Variants in DRAM1 observed in about 807,000 individuals in gnomAD.
DRAM1 encodes the protein DNA damage regulated autophagy modulator 1.
A neutral mutation model predicts 28.5 loss-of-function variants in DRAM1; 25 were observed. The ratio of observed to expected loss-of-function variants is 0.88; its 90% CI spans 0.64 to 1.23. DRAM1 has a LOEUF of 1.23. Among genes scored for constraint, DRAM1 ranks in the 50% most tolerant of loss-of-function variants. The pLI, the probability that DRAM1 is intolerant of heterozygous loss-of-function variation, is 0.00. For missense variants in DRAM1, 249 were observed against 299.2 expected, an observed-to-expected ratio of 0.83 and a Z score of 1.24; for synonymous variants, 113 against 114.2, an observed-to-expected ratio of 0.99 and a Z score of 0.07.
chr12:101,909,291 T>A (rs1400973585), intron 4 of DRAM1, among the ~76,000 whole-genome samples: 11 of 141,426 alleles, frequency 7.8e-5, no homozygotes, highest in Admixed American at 5.0e-4. Flanking sequence ...ATTAAGAAAA[T>A]GTCTCAACAT....
chr12:101,879,425 G>C (rs1220784860), intron 1 of DRAM1, among the ~76,000 whole-genome samples: 1 of 152,160 alleles, frequency 6.6e-6, no homozygotes, highest in African/African-American at 2.4e-5. Flanking sequence ...CTGGCCTTTC[G>C]GTTTTTTCCA....
At chr12:101,888,382 C>T (rs1872965688) in intron 1 of DRAM1, among the ~76,000 whole-genome samples, 1 of 151,890 alleles carries the variant, frequency 6.6e-6, no homozygotes, top group South Asian at 2.1e-4. Flanking sequence ...CCACCCACCT[C>T]AGCCTCCCGA....
At chr12:101,914,485 C>CTT (rs553791665) in intron 5 of DRAM1, among the ~76,000 whole-genome samples, 292 of 137,450 alleles carry the variant, frequency 2.1e-3, no homozygotes, top group African/African-American at 3.5e-3. Context: ...TCTTCTTCTT[C>CTT]TTTTTTTTTT....
intron 1 of DRAM1, among the ~76,000 whole-genome samples, chr12:101,880,629 C>T (rs1872658738): frequency 1.3e-5 from 2 of 152,006 alleles, no homozygotes; most frequent in African/African-American, 4.8e-5. Flanking sequence ...CATGTTTGTC[C>T]CAGATCTGAA....
At chr12:101,913,062 T>G (rs1874103987) in intron 4 of DRAM1, among the ~76,000 whole-genome samples, 2 of 152,164 alleles carry the variant, frequency 1.3e-5, no homozygotes, top group Admixed American at 6.5e-5. Flanking sequence ...TGCAGACTTT[T>G]TAGAGCATCC....
chr12:101,883,613 A>G (rs1269023562), intron 1 of DRAM1, among the ~76,000 whole-genome samples: 1 of 144,084 alleles, frequency 6.9e-6, no homozygotes, highest in East Asian at 2.4e-4. Flanking sequence ...TGCGCCCCGC[A>G]TGAATGTTTC....
chr12:101,893,006 G>A (rs893953851), intron 1 of DRAM1, among the ~76,000 whole-genome samples: 1 of 152,176 alleles, frequency 6.6e-6, no homozygotes, highest in African/African-American at 2.4e-5. Context: ...GTAGGAATGT[G>A]GGCCATTGAT....
At position 101,914,229 on chromosome 12, in the gene DRAM1, A is replaced by C. The variant is rs1425227099; in HGVS notation, c.576A>C (p.Glu192Asp). The C allele has an allele frequency of 6.2e-7, 1 of 1,606,952 alleles. No homozygotes were observed. Among genetic ancestry groups the C allele is most frequent in the Non-Finnish European group, 8.5e-7 (1 of 1,177,556 alleles). ...CCAAGCTGGAGTGGAATCCAAGAGAAAAGGTAACATTTAAGTTGTTGTGAA... is the reference window on the plus strand; with the variant it reads ...CCAAGCTGGAGTGGAATCCAAGAGACAAGGTAACATTTAAGTTGTTGTGAA... ...SITKLEWNPREKDYVYHVVSA... is the reference protein window; with the variant it reads ...SITKLEWNPRDKDYVYHVVSA... Residue 192 changes from glutamate to aspartate, a missense_variant, in exon 5 of 7, where the codon GAA becomes GAC. Around this residue, in one of 3 missense-constraint regions of DRAM1, gnomAD observed 15 missense variants for 39.9 expected, o/e 0.38. Transcript: ENST00000258534.
At chr12:101,887,933 C>T (rs969528007) in intron 1 of DRAM1, among the ~76,000 whole-genome samples, 6 of 151,926 alleles carry the variant, frequency 3.9e-5, no homozygotes, top group African/African-American at 1.5e-4. Flanking sequence ...CCTGTTCAGC[C>T]GTAACAATGA....
In DRAM1 at chr12:101,889,490, GAAGTAAGGAAGGA is replaced by G. The variant is rs1278199718; in HGVS notation, c.132-8369_132-8357del. ...ACGAGATGAGAAGAGAAGAAGGAAG[GAAGTAAGGAAGGA>G]AAGGAAGGAAGGAAAGGAAGGAAGG... On this transcript the variant is annotated intron_variant, in intron 1 of 6. Transcript: ENST00000258534. Among the ~76,000 whole-genome samples, 907 of 151,426 alleles carry G rather than the reference GAAGTAAGGAAGGA, an allele frequency of 6.0e-3. 10 individuals are homozygous for G. Among genetic ancestry groups the G allele is most frequent in the African/African-American group, 0.02 (829 of 41,278 alleles).
intron 3 of DRAM1, among the ~76,000 whole-genome samples, chr12:101,903,975 C>T (rs1873700370): frequency 6.6e-6 from 1 of 151,354 alleles, no homozygotes; most frequent in Non-Finnish European, 1.5e-5. Context: ...CTATAAGCCT[C>T]ATAAATATGA....
Position 101,921,679 on chromosome 12 carries a change from T to C in DRAM1, c.*419T>C, listed in dbSNP as rs1874490349. The C allele has an allele frequency of 6.5e-6, 1 of 154,804 alleles. No homozygotes were observed. Among genetic ancestry groups the C allele is most frequent in the Non-Finnish European group, 1.4e-5 (1 of 69,944 alleles). 9.6% of individuals were successfully genotyped at this position (154,804 alleles called of 1,614,324 possible). On this transcript the variant is annotated 3_prime_UTR_variant, in exon 7 of 7. Transcript: ENST00000258534. ...AATCAGGGGATATTCATTTGTAAAT[T>C]TTATTCTTAGTGAATGAACTGTATA...
At chr12:101,887,145 CAAA>C (rs10654713) in intron 1 of DRAM1, among the ~76,000 whole-genome samples, 1 of 128,984 alleles carries the variant, frequency 7.8e-6, no homozygotes. Context: ...AACTCCGTTT[CAAA>C]AAAAAAAAAA....
chr12:101,919,282 ACG>A (rs200456806), intron 5 of DRAM1, among the ~76,000 whole-genome samples: 3 of 145,988 alleles, frequency 2.1e-5, no homozygotes, highest in Non-Finnish European at 4.5e-5. Flanking sequence ...AGACACACAC[ACG>A]CACACACACA....
rs866217779 is a variant in DRAM1, at chr12:101,877,664, G to A, written c.-126G>A. On this transcript the variant is annotated 5_prime_UTR_variant, in exon 1 of 7. Transcript: ENST00000258534. This position sits in a 1 kb window ranked among gnomAD's most constrained non-coding sequence, Gnocchi z 4.1. ...CTCCGGGGCTGGGCCTGCCCCGGCC[G>A]TCGCGGAGCCTCCCCTCCCACCGTC... 7.6e-6 allele frequency: 5 copies of A among 658,658 alleles called. No individual in the cohort carries two copies. Among genetic ancestry groups the A allele is most frequent in the Non-Finnish European group, 1.0e-5 (5 of 476,718 alleles). 40.8% of individuals were successfully genotyped at this position (658,658 alleles called of 1,614,324 possible).
At chr12:101,919,117 G>C (rs905355778) in intron 5 of DRAM1, among the ~76,000 whole-genome samples, 9 of 151,650 alleles carry the variant, frequency 5.9e-5, no homozygotes, top group African/African-American at 2.2e-4. Context: ...TGTTGCCCAG[G>C]CTGGTCTCAA....
At chr12:101,900,781 T>G (rs991956573) in intron 2 of DRAM1, among the ~76,000 whole-genome samples, 1 of 152,158 alleles carries the variant, frequency 6.6e-6, no homozygotes, top group Non-Finnish European at 1.5e-5. Flanking sequence ...CCCAGTAATA[T>G]TACTTCTAGG....
intron 3 of DRAM1, among the ~76,000 whole-genome samples, chr12:101,903,926 TACACACACAC>T (rs775764624): frequency 0.015 from 1,984 of 136,006 alleles, 45 homozygotes; most frequent in African/African-American, 0.054. Context: ...CACACACACA[TACACACACAC>T]ACACACACAC....
chr12:101,897,519 C>CT (rs199615801), intron 1 of DRAM1, among the ~76,000 whole-genome samples: 11,259 of 134,170 alleles, frequency 0.084, 476 homozygotes, highest in East Asian at 0.23. Context: ...GATTTTAGAT[C>CT]TTTTTTTTTT....
Sources: allele counts gnomAD v4.1 joint callset (sites outside exome capture counted in the v4.1 genomes callset), GRCh38; gene constraint gnomAD v4.1.1; regional missense constraint gnomAD v4.1.1; non-coding constraint Gnocchi (gnomAD v3.1); transcripts MANE v1.5; gene names NCBI Gene and HGNC (gene_info 2026-07-23, HGNC 2026-07-21).